SNRNP48: variants seen among roughly 807,000 people sequenced by gnomAD.
SNRNP48 encodes the protein U11/U12 small nuclear ribonucleoprotein 48 kDa protein.
A neutral mutation model predicts 47.0 loss-of-function variants in SNRNP48; 43 were observed. The observed-to-expected ratio is 0.92, with a 90% CI of 0.72 to 1.18. The LOEUF (loss-of-function observed/expected upper bound fraction) is 1.18. SNRNP48 is among the 50% of genes most tolerant of loss of function. The pLI, the probability that SNRNP48 is intolerant of heterozygous loss-of-function variation, is 0.00. For synonymous variants in SNRNP48, 138 were observed against 144.0 expected (o/e 0.96, Z 0.30); for missense variants, 396 against 422.2 (o/e 0.94, Z 0.54).
intron 5 of SNRNP48, among the ~76,000 whole-genome samples, chr6:7,602,260 A>G (rs1447191130): frequency 1.3e-5 from 2 of 152,214 alleles, no homozygotes; most frequent in Non-Finnish European, 2.9e-5. Context: ...TTGAGCATCC[A>G]TGGATTTTGA....
intron 3 of SNRNP48, 116 bp downstream of exon 3, chr6:7,594,275 C>T (rs749135442): frequency 1.5e-5 from 7 of 473,246 alleles, no homozygotes; most frequent in Non-Finnish European, 2.6e-5. Context: ...ACATTTAGTA[C>T]CTTAAGAGAA....
intron 8 of SNRNP48, among the ~76,000 whole-genome samples, chr6:7,606,776 A>G (rs533817747): frequency 6.6e-6 from 1 of 152,170 alleles, no homozygotes; most frequent in East Asian, 1.9e-4. Flanking sequence ...TCTAGAACTA[A>G]ACTTACCTTT....
In SNRNP48 at chr6:7,602,617, C is replaced by A. The variant is rs769138132; in HGVS notation, c.596-6C>A. 3 of 1,567,670 alleles carry A rather than the reference C, an allele frequency of 1.9e-6. No individual in the cohort carries two copies. The South Asian group carries it at 3.6e-5, about 19-fold the overall frequency. Reference sequence around the variant, plus strand: ...ATATAATACTTTTATTTTATTCTTTCATTAGACAATAGTCGAAAAAGTCCA... The same window carrying A: ...ATATAATACTTTTATTTTATTCTTTAATTAGACAATAGTCGAAAAAGTCCA... On this transcript the variant is annotated splice_region_variant and splice_polypyrimidine_tract_variant and intron_variant, in intron 5 of 8. Coordinates refer to ENST00000342415, the MANE Select transcript of SNRNP48 (RefSeq NM_152551.4).
At chr6:7,596,074 G>A (rs920759304) in intron 4 of SNRNP48, among the ~76,000 whole-genome samples, 1 of 152,094 alleles carries the variant, frequency 6.6e-6, no homozygotes, top group Non-Finnish European at 1.5e-5. Flanking sequence ...GACCACCCTG[G>A]CCAACATGGC....
At chr6:7,602,149 G>A (rs1191282282) in intron 5 of SNRNP48, among the ~76,000 whole-genome samples, 10 of 152,068 alleles carry the variant, frequency 6.6e-5, no homozygotes, top group Non-Finnish European at 1.0e-4. Flanking sequence ...CACTGTACCC[G>A]GCCTGTATTA....
intron 4 of SNRNP48, among the ~76,000 whole-genome samples, chr6:7,595,739 C>G (rs1759893744): frequency 6.6e-6 from 1 of 152,142 alleles, no homozygotes; most frequent in African/African-American, 2.4e-5. Context: ...GCTTGCTACC[C>G]AGTAAGTGAG....
intron 6 of SNRNP48, among the ~76,000 whole-genome samples, chr6:7,603,600 T>C (rs1581838914): frequency 1.3e-5 from 2 of 152,234 alleles, no homozygotes; most frequent in African/African-American, 4.8e-5. Context: ...CCTGAAATGC[T>C]CTGTTTTTGC....
intron 7 of SNRNP48, among the ~76,000 whole-genome samples, 181 bp downstream of exon 7, chr6:7,605,667 A>G (rs1044179738): frequency 2.0e-4 from 31 of 152,282 alleles, no homozygotes; most frequent in African/African-American, 7.2e-4. Context: ...TTCTGACATT[A>G]CCCTTTGACA....
At chr6:7,596,568 A>G (rs1447762445) in intron 4 of SNRNP48, among the ~76,000 whole-genome samples, 1 of 152,200 alleles carries the variant, frequency 6.6e-6, no homozygotes, top group Non-Finnish European at 1.5e-5. Flanking sequence ...GAGTTGCTCT[A>G]TGGCTTCAGA....
At chr6:7,593,980 T>C in intron 2 of SNRNP48, 119 bp from the exon 3 acceptor site, 1 of 970,942 alleles carries the variant, frequency 1.0e-6, no homozygotes, top group African/African-American at 1.7e-5. Flanking sequence ...GGTTGGTACT[T>C]GCCTAATTGC....
chr6:7,605,965 G>A lies in SNRNP48; in HGVS notation c.807-66G>A, dbSNP rs1390467463. 8 of 1,476,610 alleles carry A rather than the reference G, an allele frequency of 5.4e-6. No homozygotes were observed. In the Admixed American group the frequency reaches 1.8e-4, roughly 33 times the overall value. 91.5% of individuals were successfully genotyped at this position (1,476,610 alleles called of 1,614,324 possible). ...AGAATATTACACTTTAGACTGGTGT[G>A]TCTGTGTACGTATACTGGAGACCAG... On this transcript the variant is annotated intron_variant, in intron 7 of 8. Coordinates refer to ENST00000342415, the MANE Select transcript of SNRNP48 (RefSeq NM_152551.4).
At chr6:7,602,859 A>G in intron 6 of SNRNP48, 115 bp downstream of exon 6, 1 of 908,600 alleles carries the variant, frequency 1.1e-6, no homozygotes, top group South Asian at 2.1e-5. Context: ...CAGGGTGGCC[A>G]CACCTGATTT....
chr6:7,591,420 TG>T (rs1759816922), intron 1 of SNRNP48, among the ~76,000 whole-genome samples: 1 of 152,220 alleles, frequency 6.6e-6, no homozygotes, highest in Non-Finnish European at 1.5e-5. Flanking sequence ...CTATTACTTC[TG>T]GGTTTACCAT....
chr6:7,611,822 T>C lies in SNRNP48; in HGVS notation c.*2949T>C, dbSNP rs1760241220. The C allele has an allele frequency of 6.6e-6, 1 of 152,216 alleles. No individual in the cohort carries two copies. Among genetic ancestry groups the C allele is most frequent in the Non-Finnish European group, 1.5e-5 (1 of 68,034 alleles). The allele number at this position is 152,216 out of a possible 1,614,324, so 9.4% of individuals were successfully genotyped here. ...GGTTCTGGCGCAAAGCTTTCTTGCATTCTGAGCATAAAAATAATAAAACCC... is the reference window on the plus strand; with the variant it reads ...GGTTCTGGCGCAAAGCTTTCTTGCACTCTGAGCATAAAAATAATAAAACCC... On this transcript the variant is annotated 3_prime_UTR_variant, in exon 9 of 9. Transcript: ENST00000342415.
chr6:7,605,051 C>T (rs1760099702), intron 6 of SNRNP48, among the ~76,000 whole-genome samples: 1 of 152,070 alleles, frequency 6.6e-6, no homozygotes, highest in Admixed American at 6.5e-5. Context: ...CTCTCGATCT[C>T]GATCTGTACA....
chr6:7,592,044 A>G (rs1759827945), intron 1 of SNRNP48, among the ~76,000 whole-genome samples: 2 of 152,084 alleles, frequency 1.3e-5, no homozygotes, highest in South Asian at 4.1e-4. Context: ...TTATATTATC[A>G]TGGGTCTGTG....
At chr6:7,599,718 CTTAT>C in intron 4 of SNRNP48, 1 of 1,283,300 alleles carries the variant, frequency 7.8e-7, no homozygotes, top group Non-Finnish European at 1.0e-6. Context: ...GAATGTACTC[CTTAT>C]TTAAAGATAT....
At chr6:7,602,818 C>A in intron 6 of SNRNP48, 74 bp downstream of exon 6, 1 of 1,396,358 alleles carries the variant, frequency 7.2e-7, no homozygotes, top group Non-Finnish European at 9.5e-7. Flanking sequence ...TGAATTTCCA[C>A]AATTCTTTGG....
intron 1 of SNRNP48, 90 bp downstream of exon 1, chr6:7,590,503 G>A: frequency 2.5e-6 from 3 of 1,219,424 alleles, no homozygotes; most frequent in Non-Finnish European, 2.1e-6. Context: ...AGCCGCGGAG[G>A]GAAGGGCGAG....
Sources: gnomAD v4.1 joint callset for allele counts (sites outside exome capture counted in the v4.1 genomes callset) on GRCh38, gnomAD v4.1.1 for gene constraint, MANE v1.5 for transcripts, NCBI Gene and HGNC (gene_info 2026-07-23, HGNC 2026-07-21) for gene names.